CHST11: variants seen among roughly 807,000 people sequenced by gnomAD.
CHST11 encodes C4S-1.
A neutral mutation model predicts 30.4 loss-of-function variants in CHST11; 9 were observed. The ratio of observed to expected loss-of-function variants is 0.30; its 90% CI spans 0.18 to 0.52. The LOEUF (loss-of-function observed/expected upper bound fraction) is 0.52, where lower values mean the gene tolerates loss of function less well. Ranked by LOEUF, CHST11 falls within the 20% of genes least tolerant of loss-of-function variation. CHST11 has a pLI of 0.97. For missense variants in CHST11, 348 were observed against 460.6 expected (o/e 0.76, Z 2.24); for synonymous variants, 152 against 187.8 (o/e 0.81, Z 1.56).
chr12:104,657,686 G>A (rs1269672811), intron 2 of CHST11, among the ~76,000 whole-genome samples: 1 of 152,168 alleles, frequency 6.6e-6, no homozygotes, highest in African/African-American at 2.4e-5. Context: ...ACTTTTCCAA[G>A]TGCCCCATGT....
At chr12:104,732,517 C>A (rs766483708) in intron 2 of CHST11, among the ~76,000 whole-genome samples, 1 of 152,230 alleles carries the variant, frequency 6.6e-6, no homozygotes, top group Non-Finnish European at 1.5e-5. Context: ...CTTGCCCTAT[C>A]TCTGAGTCTC....
chr12:104,570,883 G>C (rs961204787), intron 1 of CHST11, among the ~76,000 whole-genome samples: 8 of 152,198 alleles, frequency 5.3e-5, no homozygotes, highest in Admixed American at 5.2e-4. Context: ...TAGAGACGGA[G>C]TTTCGCCATG....
chr12:104,503,746 C>G (rs981989105), intron 1 of CHST11, among the ~76,000 whole-genome samples: 10 of 152,120 alleles, frequency 6.6e-5, no homozygotes, highest in Non-Finnish European at 1.2e-4. Flanking sequence ...CTGGCCACCA[C>G]CAGTGGGACA....
intron 2 of CHST11, among the ~76,000 whole-genome samples, chr12:104,684,556 G>T (rs540829010): frequency 3.5e-4 from 54 of 152,256 alleles, no homozygotes; most frequent in Non-Finnish European, 7.2e-4. Context: ...GGTTTGGTTT[G>T]GTTTTGTTAG....
At chr12:104,697,286 G>A (rs2039955755) in intron 2 of CHST11, among the ~76,000 whole-genome samples, 1 of 152,172 alleles carries the variant, frequency 6.6e-6, no homozygotes, top group Non-Finnish European at 1.5e-5. Flanking sequence ...ATTATTTCTG[G>A]GTGTGTCTGT....
chr12:104,726,783 C>A (rs557326502), intron 2 of CHST11, among the ~76,000 whole-genome samples: 53 of 152,246 alleles, frequency 3.5e-4, no homozygotes, highest in African/African-American at 1.3e-3. Context: ...TTTAACTGGG[C>A]TTAGATGTGG....
chr12:104,488,681 CTG>C (rs1415314568), intron 1 of CHST11, among the ~76,000 whole-genome samples: 3 of 123,950 alleles, frequency 2.4e-5, no homozygotes, highest in African/African-American at 9.2e-5. Context: ...GTGTATGCGT[CTG>C]TGTATGCGTA....
chr12:104,651,954 C>G (rs2039493897), intron 2 of CHST11, among the ~76,000 whole-genome samples: 1 of 152,204 alleles, frequency 6.6e-6, no homozygotes, highest in Non-Finnish European at 1.5e-5. Flanking sequence ...TCATTCTTTC[C>G]TTGCATGAGC....
At chr12:104,511,556 T>C (rs2037966145) in intron 1 of CHST11, among the ~76,000 whole-genome samples, 1 of 152,238 alleles carries the variant, frequency 6.6e-6, no homozygotes, top group African/African-American at 2.4e-5. Context: ...TTTTTTAGTA[T>C]GCTGAATGTT....
At chr12:104,753,353 T>A (rs993590167) in intron 2 of CHST11, among the ~76,000 whole-genome samples, 1 of 148,388 alleles carries the variant, frequency 6.7e-6, no homozygotes, top group Non-Finnish European at 1.5e-5. Flanking sequence ...AAGAAGTTAG[T>A]CAGTGTGAAG....
chr12:104,710,740 A>G (rs2040080501), intron 2 of CHST11, among the ~76,000 whole-genome samples: 1 of 152,180 alleles, frequency 6.6e-6, no homozygotes, highest in African/African-American at 2.4e-5. Flanking sequence ...CTCTTCAGTG[A>G]TTTAACCTCC....
chr12:104,462,023 C>T (rs981636594), intron 1 of CHST11, among the ~76,000 whole-genome samples: 21 of 151,276 alleles, frequency 1.4e-4, no homozygotes, highest in African/African-American at 5.1e-4. Context: ...AAAAATTAGC[C>T]GGGCGTGGTG....
intron 1 of CHST11, among the ~76,000 whole-genome samples, chr12:104,506,642 G>A (rs2037908074): frequency 6.6e-6 from 1 of 152,220 alleles, no homozygotes; most frequent in African/African-American, 2.4e-5. Flanking sequence ...TAGTCCAGGT[G>A]CTAAATTTAC....
chr12:104,582,466 C>G (rs79896789), intron 1 of CHST11, among the ~76,000 whole-genome samples: 3,869 of 152,190 alleles, frequency 0.025, 169 homozygotes, highest in African/African-American at 0.088. Context: ...TGCCCCTGCC[C>G]CATCACCTTT....
intron 2 of CHST11, among the ~76,000 whole-genome samples, chr12:104,622,269 A>G (rs559874383): frequency 6.6e-6 from 1 of 152,250 alleles, no homozygotes; most frequent in African/African-American, 2.4e-5. Flanking sequence ...CGTGAAATTT[A>G]TATCAGATCA....
At chr12:104,688,592 A>T (rs1435381273) in intron 2 of CHST11, among the ~76,000 whole-genome samples, 1 of 152,254 alleles carries the variant, frequency 6.6e-6, no homozygotes, top group African/African-American at 2.4e-5. Context: ...ACGTGTATTT[A>T]AAAACCTGTA....
At chr12:104,591,968 C>A (rs1391407112) in intron 1 of CHST11, among the ~76,000 whole-genome samples, 1 of 151,638 alleles carries the variant, frequency 6.6e-6, no homozygotes, top group African/African-American at 2.4e-5. Flanking sequence ...AGCTGCAACT[C>A]GGCCTATAGC....
intron 2 of CHST11, among the ~76,000 whole-genome samples, chr12:104,682,243 C>T (rs957234992): frequency 1.3e-5 from 2 of 152,140 alleles, no homozygotes; most frequent in African/African-American, 4.8e-5. Flanking sequence ...GCACTGGGAA[C>T]AGCAAATTCC....
chr12:104,462,188 A>T (rs909686566), intron 1 of CHST11, among the ~76,000 whole-genome samples: 9 of 145,320 alleles, frequency 6.2e-5, no homozygotes, highest in African/African-American at 2.2e-4. Context: ...AAAAAAAAGA[A>T]AAAGAAAAGA....
Sources: gnomAD v4.1 joint callset for allele counts (sites outside exome capture counted in the v4.1 genomes callset) on GRCh38, gnomAD v4.1.1 for gene constraint, MANE v1.5 for transcripts, NCBI Gene and HGNC (gene_info 2026-07-23, HGNC 2026-07-21) for gene names.